The following SLC71A2 variants were observed in gnomAD, a reference collection of about 807,000 sequenced individuals.
SLC71A2 encodes the protein solute carrier family 71 member 2, also known as hippocampus abundant transcript-like 1.
the SLC71A2 span, among the ~76,000 whole-genome samples, chr9:94,384,144 A>T: frequency 6.6e-6 from 1 of 152,132 alleles, no homozygotes; most frequent in African/African-American, 2.4e-5. Flanking sequence ...ATGAAACAAC[A>T]ACTCCATTTT....
At chr9:94,387,348 C>G in the SLC71A2 span, among the ~76,000 whole-genome samples, 1 of 152,092 alleles carries the variant, frequency 6.6e-6, no homozygotes, top group Middle Eastern at 3.2e-3. Flanking sequence ...GGCAGAATAA[C>G]TAAGCACCTA....
the SLC71A2 span, chr9:94,458,458 C>G: frequency 6.2e-7 from 1 of 1,613,602 alleles, no homozygotes; most frequent in Non-Finnish European, 8.5e-7. Context: ...ACAACGTTCC[C>G]CTGCAGGTAA....
the SLC71A2 span, among the ~76,000 whole-genome samples, chr9:94,427,786 G>A: frequency 6.8e-6 from 1 of 147,536 alleles, no homozygotes; most frequent in African/African-American, 2.5e-5. Flanking sequence ...ATCTGATAGA[G>A]TATAGAAGGG....
the SLC71A2 span, among the ~76,000 whole-genome samples, chr9:94,384,940 G>A: frequency 1.4e-4 from 22 of 151,954 alleles, no homozygotes; most frequent in Non-Finnish European, 1.2e-4. Flanking sequence ...AAAATAATGA[G>A]TTTGGCTCCC....
At chr9:94,445,657 C>G in the SLC71A2 span, among the ~76,000 whole-genome samples, 1 of 152,042 alleles carries the variant, frequency 6.6e-6, no homozygotes, top group South Asian at 2.1e-4. Context: ...CCTCCCTTTC[C>G]TCTCCTTTTC....
chr9:94,417,488 G>A, the SLC71A2 span, among the ~76,000 whole-genome samples: 35 of 152,108 alleles, frequency 2.3e-4, no homozygotes, highest in African/African-American at 7.0e-4. Context: ...TTAACTGGGC[G>A]TGGTGGTGCA....
At chr9:94,452,913 T>C in the SLC71A2 span, among the ~76,000 whole-genome samples, 1 of 151,674 alleles carries the variant, frequency 6.6e-6, no homozygotes, top group South Asian at 2.1e-4. Flanking sequence ...TGCCTAGGGG[T>C]TGTTTTCCCT....
chr9:94,441,404 C>T, the SLC71A2 span, among the ~76,000 whole-genome samples: 1 of 152,066 alleles, frequency 6.6e-6, no homozygotes, highest in Non-Finnish European at 1.5e-5. Flanking sequence ...GGGGGAGGTG[C>T]TACACACTTT....
the SLC71A2 span, among the ~76,000 whole-genome samples, chr9:94,417,471 T>TA: frequency 1.3e-5 from 2 of 151,886 alleles, no homozygotes; most frequent in African/African-American, 4.8e-5. Context: ...GTACTAAAAA[T>TA]ACAAAATTAA....
chr9:94,453,897 G>GAC, the SLC71A2 span: 1 of 1,126,252 alleles, frequency 8.9e-7, no homozygotes, highest in East Asian at 2.3e-5. Context: ...CACACACAGA[G>GAC]CTTGTATTTT....
the SLC71A2 span, among the ~76,000 whole-genome samples, chr9:94,425,868 C>G: frequency 6.6e-6 from 1 of 151,986 alleles, no homozygotes; most frequent in Middle Eastern, 3.2e-3. Flanking sequence ...ACAAGGACAG[C>G]TTGGAGGTTA....
At chr9:94,399,113 G>A in the SLC71A2 span, among the ~76,000 whole-genome samples, 61 of 152,240 alleles carry the variant, frequency 4.0e-4, no homozygotes, top group African/African-American at 1.3e-3. Flanking sequence ...CATCGTGCCC[G>A]GCCGGCTCTT....
the SLC71A2 span, among the ~76,000 whole-genome samples, chr9:94,415,485 G>T: frequency 6.6e-6 from 1 of 151,912 alleles, no homozygotes; most frequent in African/African-American, 2.4e-5. Context: ...GTAAACTTGG[G>T]GGTGCTGTTA....
the SLC71A2 span, among the ~76,000 whole-genome samples, chr9:94,438,789 A>C: frequency 1.3e-5 from 2 of 152,200 alleles, no homozygotes; most frequent in Non-Finnish European, 2.9e-5. Context: ...CTCTTCAGGC[A>C]GCTGATGTTG....
the SLC71A2 span, among the ~76,000 whole-genome samples, chr9:94,418,834 TCCTC>T: frequency 6.6e-6 from 1 of 150,510 alleles, no homozygotes; most frequent in Non-Finnish European, 1.5e-5. Context: ...GCTCAGGCAG[TCCTC>T]TTGCCTCAGT....
the SLC71A2 span, among the ~76,000 whole-genome samples, chr9:94,382,900 A>G: frequency 7.2e-5 from 11 of 152,096 alleles, no homozygotes; most frequent in African/African-American, 2.4e-4. Context: ...TCACCGCGCT[A>G]GCCAGGATGG....
At chr9:94,458,126 T>C in the SLC71A2 span, among the ~76,000 whole-genome samples, 1 of 152,232 alleles carries the variant, frequency 6.6e-6, no homozygotes, top group Non-Finnish European at 1.5e-5. Context: ...TTTTATATGT[T>C]TTATATGGTT....
At chr9:94,460,876 G>A in the SLC71A2 span, 1 of 152,134 alleles carries the variant, frequency 6.6e-6, no homozygotes, top group Admixed American at 6.5e-5. Context: ...TTGGTTTTTA[G>A]GTTAAGCTTC....
chr9:94,377,688 T>C, the SLC71A2 span, among the ~76,000 whole-genome samples: 1 of 151,976 alleles, frequency 6.6e-6, no homozygotes, highest in Non-Finnish European at 1.5e-5. Context: ...GCCTGACAAC[T>C]TTTTTCTACC....
Sources: gnomAD v4.1 joint callset for allele counts (sites outside exome capture counted in the v4.1 genomes callset) on GRCh38, gnomAD v4.1.1 for gene constraint, MANE v1.5 for transcripts, NCBI Gene and HGNC (gene_info 2026-07-23, HGNC 2026-07-21) for gene names.